The following CCDC30 variants were observed in gnomAD, a reference collection of about 807,000 sequenced individuals.
The protein encoded by CCDC30 is coiled-coil domain containing 30.
Under a neutral mutation model 100.2 loss-of-function variants are expected in CCDC30, and 70 were observed. The observed-to-expected ratio is 0.70, with a 90% CI of 0.58 to 0.85. The LOEUF is 0.85. Ranked by LOEUF, CCDC30 falls within the 40% of genes least tolerant of loss-of-function variation. CCDC30 has a pLI of 0.00. For synonymous variants in CCDC30, 233 were observed against 269.5 expected (o/e 0.86, Z 1.33); for missense variants, 652 against 771.2 (o/e 0.85, Z 1.83).
chr1:42,656,661 AAAAT>A (rs1648673513), downstream of CCDC30, among the ~76,000 whole-genome samples: 2 of 152,066 alleles, frequency 1.3e-5, no homozygotes, highest in Non-Finnish European at 2.9e-5. Flanking sequence ...CATAAATAAT[AAAAT>A]AAATAAAAAG....
At chr1:42,649,726 T>C (rs778092908) in intron 15 of CCDC30, among the ~76,000 whole-genome samples, 1 of 152,046 alleles carries the variant, frequency 6.6e-6, no homozygotes, top group Non-Finnish European at 1.5e-5. Flanking sequence ...GAAGCAAATA[T>C]AGTAAAGTTG....
Position 42,463,912 on chromosome 1 carries a change from T to C in CCDC30, c.-92+14T>C, listed in dbSNP as rs188399562. On this transcript the variant is annotated intron_variant, in intron 1 of 16. Coordinates refer to ENST00000668663, the Ensembl canonical transcript of CCDC30. Reference sequence around the variant, plus strand: ...AGAGGTCATGAAGTCAGTTACCTTCTGCCTTTCAAGCTACAACTTTTTCCA... The same window carrying C: ...AGAGGTCATGAAGTCAGTTACCTTCCGCCTTTCAAGCTACAACTTTTTCCA... The C allele has an allele frequency of 2.6e-5, 4 of 152,230 alleles. No homozygotes were observed. The highest frequency in any genetic ancestry group is 4.4e-5 in the Non-Finnish European group (3 of 68,036). 9.4% of individuals were successfully genotyped at this position (152,230 alleles called of 1,614,324 possible). A position where few individuals can be genotyped will look rare whatever the true frequency, so the allele number is the denominator to read the frequency against.
intron 11 of CCDC30, among the ~76,000 whole-genome samples, chr1:42,633,351 A>G (rs1237402249): frequency 6.6e-6 from 1 of 152,042 alleles, no homozygotes; most frequent in African/African-American, 2.4e-5. Context: ...ATGATTGATT[A>G]AATCCTTGGC....
At chr1:42,640,088 C>A (rs1344964627) in intron 12 of CCDC30, among the ~76,000 whole-genome samples, 3 of 152,094 alleles carry the variant, frequency 2.0e-5, no homozygotes, top group African/African-American at 7.2e-5. Context: ...GCTTTTAATG[C>A]CACAGTGGTA....
At chr1:42,492,940 C>T (rs544884153) in intron 4 of CCDC30, among the ~76,000 whole-genome samples, 62 of 151,684 alleles carry the variant, frequency 4.1e-4, no homozygotes, top group African/African-American at 1.3e-3. Flanking sequence ...CCACCGCACC[C>T]GGCCTAAAAA....
chr1:42,484,103 T>A (rs1435925010), intron 3 of CCDC30, among the ~76,000 whole-genome samples: 3 of 151,836 alleles, frequency 2.0e-5, no homozygotes, highest in Non-Finnish European at 2.9e-5. Context: ...CAATAATGAT[T>A]ATGCCTGTGT....
exon 13 of CCDC30, chr1:42,642,515 C>T (rs371573869): frequency 2.5e-6 from 4 of 1,599,810 alleles, no homozygotes; most frequent in Non-Finnish European, 3.4e-6. Context: ...AAATGATACC[C>T]TGCTTCTAGA....
At chr1:42,521,974 C>A (rs1313868117) in intron 6 of CCDC30, among the ~76,000 whole-genome samples, 1 of 151,986 alleles carries the variant, frequency 6.6e-6, no homozygotes, top group Admixed American at 6.6e-5. Context: ...AGTCATCCTG[C>A]AGTATCATAA....
chr1:42,580,780 C>A (rs1645947672), intron 8 of CCDC30: 22 of 453,888 alleles, frequency 4.8e-5, no homozygotes, highest in South Asian at 3.4e-4. Flanking sequence ...TGATGCTAAG[C>A]AATATGCTAA....
At chr1:42,587,616 C>T (rs1312744808) in intron 9 of CCDC30, among the ~76,000 whole-genome samples, 1 of 152,128 alleles carries the variant, frequency 6.6e-6, no homozygotes, top group Non-Finnish European at 1.5e-5. Context: ...GATGTGAGCC[C>T]ATGTCTCAAA....
chr1:42,459,505 G>A, upstream of CCDC30: 1 of 1,058,588 alleles, frequency 9.4e-7, no homozygotes, highest in Non-Finnish European at 1.4e-6. Context: ...TGATGGTTGA[G>A]AAATCCCACT....
rs115428175 is a variant in CCDC30, at chr1:42,564,827, C to T, written c.457-1469C>T. On this transcript the variant is annotated intron_variant, in intron 6 of 16. Coordinates refer to ENST00000668663, the Ensembl canonical transcript of CCDC30. The stretch of plus-strand genomic sequence containing the variant: ...CCCTTTGACCAGCATCTTCCCATTC[C>T]ATGCCTCCCCTCCCCAGCCTCTCAA... Among the ~76,000 whole-genome samples the T allele has an allele frequency of 3.8e-3, 580 of 152,176 alleles. 8 individuals are homozygous for T. The highest frequency in any genetic ancestry group is 0.013 in the African/African-American group (539 of 41,518).
chr1:42,553,991 C>T (rs981831200), intron 6 of CCDC30, among the ~76,000 whole-genome samples: 1 of 149,104 alleles, frequency 6.7e-6, no homozygotes, highest in African/African-American at 2.4e-5. Flanking sequence ...TAGACATTTT[C>T]CCATAGTATA....
chr1:42,572,026 A>G (rs1645743740), intron 7 of CCDC30, among the ~76,000 whole-genome samples: 1 of 152,220 alleles, frequency 6.6e-6, no homozygotes, highest in South Asian at 2.1e-4. Context: ...ATGCACATGT[A>G]TCCTGATGTC....
At chr1:42,519,847 C>T (rs1295686714) in intron 6 of CCDC30, among the ~76,000 whole-genome samples, 2 of 152,164 alleles carry the variant, frequency 1.3e-5, no homozygotes, top group African/African-American at 4.8e-5. Flanking sequence ...GCCACCATGC[C>T]TGGCCATGTT....
chr1:42,621,809 C>A (rs777242646), intron 11 of CCDC30, among the ~76,000 whole-genome samples: 1 of 151,504 alleles, frequency 6.6e-6, no homozygotes, highest in African/African-American at 2.4e-5. Flanking sequence ...CCGCGCCCGG[C>A]CTAATTTTGT....
intron 1 of CCDC30, among the ~76,000 whole-genome samples, chr1:42,469,529 A>G (rs571341077): frequency 1.3e-5 from 2 of 152,310 alleles, no homozygotes; most frequent in East Asian, 3.9e-4. Flanking sequence ...TATTTCTTGT[A>G]TCTTTAAGAC....
chr1:42,642,425 A>T, intron 12 of CCDC30, 48 bp from the exon 17 acceptor site: 2 of 1,404,602 alleles, frequency 1.4e-6, no homozygotes, highest in South Asian at 1.9e-5. Flanking sequence ...TCTTAAATTT[A>T]TCATACTTTC....
chr1:42,460,170 A>G (rs1401177938), upstream of CCDC30: 3 of 1,213,556 alleles, frequency 2.5e-6, no homozygotes, highest in Admixed American at 4.0e-5. Flanking sequence ...TGGGAATTAT[A>G]TATTCCTTAA....
Sources: allele counts gnomAD v4.1 joint callset (sites outside exome capture counted in the v4.1 genomes callset), GRCh38; gene constraint gnomAD v4.1.1; transcripts MANE v1.5; gene names NCBI Gene and HGNC (gene_info 2026-07-23, HGNC 2026-07-21).